TTC27: variants seen among roughly 807,000 people sequenced by gnomAD.
TTC27 encodes the protein tetratricopeptide repeat domain 27, also known as tetratricopeptide repeat protein 27.
In TTC27, 79 loss-of-function variants were observed where a neutral mutation model predicts 115.9. That is an observed-to-expected ratio of 0.68 (90% CI 0.57 to 0.82). The LOEUF is 0.82. Ranked by LOEUF, TTC27 falls within the 40% of genes least tolerant of loss-of-function variation. The pLI is 0.00. For synonymous variants in TTC27, 401 were observed against 356.0 expected (o/e 1.13, Z -1.42); for missense variants, 1,054 against 993.1 (o/e 1.06, Z -0.82).
chr2:32,676,021 A>G (rs879777068), intron 8 of TTC27, among the ~76,000 whole-genome samples: 1 of 151,936 alleles, frequency 6.6e-6, no homozygotes, highest in Admixed American at 6.6e-5. Flanking sequence ...CGAACTCCTG[A>G]TCTCAGGTGA....
At chr2:32,670,803 A>C (rs1175422685) in intron 7 of TTC27, among the ~76,000 whole-genome samples, 1 of 151,476 alleles carries the variant, frequency 6.6e-6, no homozygotes, top group Non-Finnish European at 1.5e-5. Flanking sequence ...TTTTTGGTAG[A>C]GACGGGGTTT....
chr2:32,767,774 A>T (rs1338321909), intron 13 of TTC27, among the ~76,000 whole-genome samples: 1 of 152,186 alleles, frequency 6.6e-6, no homozygotes, highest in Non-Finnish European at 1.5e-5. Flanking sequence ...ATAAGTTTTA[A>T]TATTAACAAA....
intron 17 of TTC27, among the ~76,000 whole-genome samples, chr2:32,812,233 A>G (rs1394320192): frequency 6.6e-6 from 1 of 152,220 alleles, no homozygotes; most frequent in Non-Finnish European, 1.5e-5. Context: ...GAAAATCTGT[A>G]TATTTACAGA....
chr2:32,734,400 A>T (rs143761820), intron 11 of TTC27, among the ~76,000 whole-genome samples: 1 of 152,304 alleles, frequency 6.6e-6, no homozygotes, highest in Non-Finnish European at 1.5e-5. Context: ...TATTAAAATT[A>T]TTTTAAGGAC....
intron 2 of TTC27, 46 bp from the exon 3 acceptor site, chr2:32,633,830 A>C (rs1247883445): frequency 6.3e-7 from 1 of 1,577,386 alleles, no homozygotes; most frequent in Non-Finnish European, 8.7e-7. Context: ...GAGATTATAC[A>C]GTGATAGTAG....
intron 6 of TTC27, among the ~76,000 whole-genome samples, chr2:32,664,966 A>G (rs1665714330): frequency 6.6e-6 from 1 of 151,484 alleles, no homozygotes; most frequent in Non-Finnish European, 1.5e-5. Flanking sequence ...CCTAGTAGCT[A>G]GGATTACGGG....
chr2:32,754,869 G>A (rs182786224), intron 12 of TTC27, among the ~76,000 whole-genome samples: 15 of 148,516 alleles, frequency 1.0e-4, no homozygotes, highest in African/African-American at 3.7e-4. Flanking sequence ...TGGCCAGGCG[G>A]GGGGGCTGAC....
chr2:32,736,956 A>G, intron 12 of TTC27, 140 bp downstream of exon 12: 1 of 1,234,376 alleles, frequency 8.1e-7, no homozygotes, highest in Non-Finnish European at 1.1e-6. Context: ...AAACTTTTAA[A>G]TGTTTTCTCT....
chr2:32,703,183 C>T (rs1251130190), intron 10 of TTC27, among the ~76,000 whole-genome samples: 1 of 152,066 alleles, frequency 6.6e-6, no homozygotes, highest in Non-Finnish European at 1.5e-5. Context: ...AATAACAGCA[C>T]TTAGGCTGGG....
At chr2:32,816,126 A>G (rs1244748487) in intron 18 of TTC27, among the ~76,000 whole-genome samples, 1 of 152,038 alleles carries the variant, frequency 6.6e-6, no homozygotes, top group Non-Finnish European at 1.5e-5. Flanking sequence ...TGAGCAACAT[A>G]GTGAGACCCC....
intron 3 of TTC27, among the ~76,000 whole-genome samples, chr2:32,635,764 A>T (rs1462466973): frequency 1.3e-5 from 2 of 152,014 alleles, no homozygotes; most frequent in African/African-American, 4.8e-5. Context: ...TAATAATTTG[A>T]TGGGGGGGTA....
At chr2:32,761,759 T>C (rs1669444650) in intron 13 of TTC27, among the ~76,000 whole-genome samples, 1 of 152,194 alleles carries the variant, frequency 6.6e-6, no homozygotes, top group African/African-American at 2.4e-5. Flanking sequence ...TTTCCTTCCC[T>C]GCTTTATTTT....
At chr2:32,759,369 G>A (rs575683469) in intron 13 of TTC27, among the ~76,000 whole-genome samples, 8 of 152,062 alleles carry the variant, frequency 5.3e-5, no homozygotes, top group African/African-American at 1.4e-4. Flanking sequence ...GCTAGTATTC[G>A]AATCCAGATG....
intron 12 of TTC27, among the ~76,000 whole-genome samples, chr2:32,754,727 A>C (rs1275291462): frequency 6.7e-6 from 1 of 148,494 alleles, no homozygotes; most frequent in East Asian, 2.1e-4. Flanking sequence ...GCGGCCGGGC[A>C]GAGGCGTCTC....
At chr2:32,715,458 C>A (rs576028508) in intron 10 of TTC27, among the ~76,000 whole-genome samples, 1 of 152,192 alleles carries the variant, frequency 6.6e-6, no homozygotes, top group South Asian at 2.1e-4. Context: ...CAGTACCATG[C>A]TATTTTTGTT....
intron 9 of TTC27, among the ~76,000 whole-genome samples, chr2:32,701,908 A>G (rs1667196750): frequency 6.6e-6 from 1 of 151,652 alleles, no homozygotes; most frequent in African/African-American, 2.4e-5. Context: ...CTACTCGGGT[A>G]GCTGAGGTGG....
At chr2:32,667,315 C>G (rs1418982778) in intron 7 of TTC27, among the ~76,000 whole-genome samples, 4 of 151,684 alleles carry the variant, frequency 2.6e-5, no homozygotes, top group Admixed American at 6.6e-5. Flanking sequence ...TGAATTATGA[C>G]TCTTGGTCAG....
At chr2:32,661,523 TTG>T (rs887466077) in intron 5 of TTC27, among the ~76,000 whole-genome samples, 1 of 152,158 alleles carries the variant, frequency 6.6e-6, no homozygotes, top group Non-Finnish European at 1.5e-5. Context: ...TTTATTCTCT[TTG>T]TAGCAATTTT....
chr2:32,696,287 T>C (rs1666985887), intron 9 of TTC27, among the ~76,000 whole-genome samples: 1 of 151,300 alleles, frequency 6.6e-6, no homozygotes, highest in Admixed American at 6.6e-5. Context: ...TTTATTTTAT[T>C]TTATTTATTT....
Sources: gnomAD v4.1 joint callset for allele counts (sites outside exome capture counted in the v4.1 genomes callset) on GRCh38, gnomAD v4.1.1 for gene constraint, MANE v1.5 for transcripts, NCBI Gene and HGNC (gene_info 2026-07-23, HGNC 2026-07-21) for gene names.